Variants in KYNU observed in about 807,000 individuals in gnomAD.
KYNU encodes the protein kynureninase.
In KYNU, 54 loss-of-function variants were observed where a neutral mutation model predicts 59.2. The ratio of observed to expected loss-of-function variants is 0.91; its 90% CI spans 0.73 to 1.14. The LOEUF (loss-of-function observed/expected upper bound fraction) is 1.14, where lower values mean the gene tolerates loss of function less well. Ranked by LOEUF, KYNU falls within the 50% of genes most tolerant of loss-of-function variation. The pLI, the probability that KYNU is intolerant of heterozygous loss-of-function variation, is 0.00. For missense variants in KYNU, 567 were observed against 554.4 expected (o/e 1.02, Z -0.23); for synonymous variants, 177 against 192.0 (o/e 0.92, Z 0.65).
Position 143,044,694 on chromosome 2 carries a change from AATTT to A in KYNU, c.*2528_*2531del, listed in dbSNP as rs774144279. The A allele has an allele frequency of 5.9e-5, 9 of 151,800 alleles. No homozygotes were observed. The highest frequency in any genetic ancestry group is 1.2e-4 in the Non-Finnish European group (8 of 67,942). The allele number at this position is 151,800 out of a possible 1,614,324, so 9.4% of individuals were successfully genotyped here. On this transcript the variant is annotated 3_prime_UTR_variant, in exon 14 of 14. Coordinates refer to ENST00000264170, the MANE Select transcript of KYNU (RefSeq NM_003937.3). Reference sequence around the variant, plus strand: ...TTGATGGGGTTGTGTTTTTCTTGTAAATTTATTTAAGTCCCTTGTAGATTCTGGA... The same window carrying A: ...TTGATGGGGTTGTGTTTTTCTTGTAAATTTAAGTCCCTTGTAGATTCTGGA...
chr2:142,897,769 G>A (rs1295313417), intron 2 of KYNU, among the ~76,000 whole-genome samples: 1 of 151,914 alleles, frequency 6.6e-6, no homozygotes, highest in African/African-American at 2.4e-5. Flanking sequence ...TTTAACCTAC[G>A]ATATCTAAAC....
chr2:142,893,253 C>G lies in KYNU; in HGVS notation c.169+7717C>G, dbSNP rs41349548. Among the ~76,000 whole-genome samples, 1,155 of 152,104 alleles carry G rather than the reference C, an allele frequency of 7.6e-3. 7 individuals carry two copies. The highest frequency in any genetic ancestry group is 0.027 in the African/African-American group (1,107 of 41,504). ...CTAAGTGAGAAGAAGGTGGTAGAAA[C>G]AAAATTCTAGGCATTGACAAAGAAA... On this transcript the variant is annotated intron_variant, in intron 2 of 13. Transcript: ENST00000264170.
intron 4 of KYNU, among the ~76,000 whole-genome samples, chr2:142,935,351 C>T (rs992183888): frequency 3.9e-5 from 6 of 152,152 alleles, no homozygotes; most frequent in African/African-American, 1.4e-4. Context: ...CAAGGAGACA[C>T]ACAATCATGT....
At chr2:142,993,163 A>AT (rs1364250509) in intron 10 of KYNU, among the ~76,000 whole-genome samples, 2 of 152,024 alleles carry the variant, frequency 1.3e-5, no homozygotes, top group Non-Finnish European at 2.9e-5. Flanking sequence ...TGTGAGAGAG[A>AT]TTCATTTCAG....
Position 143,042,230 on chromosome 2 carries a change from G to A in KYNU, c.*58G>A. Reference sequence around the variant, plus strand: ...ACTGAAAGCTGCTGTGGTTATTTCAGTATTATTCGATTTTTAATTATTGAA... The same window carrying A: ...ACTGAAAGCTGCTGTGGTTATTTCAATATTATTCGATTTTTAATTATTGAA... On this transcript the variant is annotated 3_prime_UTR_variant, in exon 14 of 14. Coordinates refer to ENST00000264170, the MANE Select transcript of KYNU (RefSeq NM_003937.3). 6.6e-7 allele frequency: 1 copy of A among 1,524,574 alleles called. No individual in the cohort carries two copies. The highest frequency in any genetic ancestry group is 9.0e-7 in the Non-Finnish European group (1 of 1,110,258). 94.4% of individuals were successfully genotyped at this position (1,524,574 alleles called of 1,614,324 possible).
Position 143,044,673 on chromosome 2 carries a change from TG to T in KYNU, c.*2505del, listed in dbSNP as rs1006740990. 1 of 152,182 alleles carries T rather than the reference TG, an allele frequency of 6.6e-6. No homozygotes were observed. Among genetic ancestry groups the T allele is most frequent in the African/African-American group, 2.4e-5 (1 of 41,442 alleles). The allele number at this position is 152,182 out of a possible 1,614,324, so 9.4% of individuals were successfully genotyped here. ...TTCGTATCCTTCACCCACTTTTTGATGGGGTTGTGTTTTTCTTGTAAATTTA... is the reference window on the plus strand; with the variant it reads ...TTCGTATCCTTCACCCACTTTTTGATGGGTTGTGTTTTTCTTGTAAATTTA... On this transcript the variant is annotated 3_prime_UTR_variant, in exon 14 of 14. Coordinates refer to ENST00000264170, the MANE Select transcript of KYNU (RefSeq NM_003937.3).
chr2:143,039,625 A>G (rs1320490067), intron 12 of KYNU, among the ~76,000 whole-genome samples: 2 of 152,110 alleles, frequency 1.3e-5, no homozygotes, highest in African/African-American at 4.8e-5. Flanking sequence ...TATTTCTGTA[A>G]CTGGTTACAG....
chr2:143,025,201 A>G (rs1366727363), intron 10 of KYNU, among the ~76,000 whole-genome samples: 3 of 151,962 alleles, frequency 2.0e-5, no homozygotes, highest in Non-Finnish European at 4.4e-5. Flanking sequence ...TTCTTTATGT[A>G]TTCATTTTCA....
rs929272962 is a variant in KYNU at position 142,966,860 on chromosome 2, G to A, written c.729+6090G>A. On this transcript the variant is annotated intron_variant, in intron 8 of 13. Transcript: ENST00000264170. Reference sequence around the variant, plus strand: ...TGTCAACATGTTAAGAAAAAAAATTGGACTATCCAGGCTTGTTGGAAAAAG... The same window carrying A: ...TGTCAACATGTTAAGAAAAAAAATTAGACTATCCAGGCTTGTTGGAAAAAG... Among the ~76,000 whole-genome samples, 6 of 151,894 alleles carry A rather than the reference G, an allele frequency of 4.0e-5. No individual in the cohort carries two copies. The South Asian group carries it at 6.2e-4, about 16-fold the overall frequency.
intron 8 of KYNU, among the ~76,000 whole-genome samples, chr2:142,974,104 C>T (rs1684820344): frequency 6.6e-6 from 1 of 152,214 alleles, no homozygotes; most frequent in South Asian, 2.1e-4. Flanking sequence ...CAAAAAGTAT[C>T]TGAGACAAGT....
intron 10 of KYNU, among the ~76,000 whole-genome samples, chr2:143,006,626 G>A (rs1490104897): frequency 6.8e-6 from 1 of 146,560 alleles, no homozygotes; most frequent in Non-Finnish European, 1.5e-5. Context: ...CAAAAAGACA[G>A]CAGTAACCTC....
At chr2:143,015,416 GGC>G (rs1558976411) in intron 10 of KYNU, among the ~76,000 whole-genome samples, 6 of 152,060 alleles carry the variant, frequency 3.9e-5, no homozygotes, top group African/African-American at 7.2e-5. Context: ...AAAATTCTCA[GGC>G]GCCAAGTAGA....
At chr2:142,888,622 T>C (rs1323200716) in intron 2 of KYNU, among the ~76,000 whole-genome samples, 2 of 151,968 alleles carry the variant, frequency 1.3e-5, no homozygotes, top group African/African-American at 4.8e-5. Context: ...AACTCAGAAT[T>C]ACTGAATCAG....
intron 4 of KYNU, among the ~76,000 whole-genome samples, chr2:142,929,359 C>CAAAAAAAAAAAAA (rs5834929): frequency 9.4e-6 from 1 of 106,450 alleles, no homozygotes; most frequent in Non-Finnish European, 2.0e-5. Context: ...TTGCCTTTCT[C>CAAAAAAAAAAAAA]AAAAAAAAAA....
At chr2:142,960,181 C>T (rs543175081) in intron 7 of KYNU, among the ~76,000 whole-genome samples, 14 of 152,326 alleles carry the variant, frequency 9.2e-5, no homozygotes, top group East Asian at 7.7e-4. Context: ...GCCACACACC[C>T]GGCATGTTTT....
chr2:143,029,596 C>A (rs767383235), intron 10 of KYNU, 31 bp from the exon 11 acceptor site: 29 of 1,543,350 alleles, frequency 1.9e-5, no homozygotes, highest in Non-Finnish European at 2.6e-5. Flanking sequence ...AAAAAACCCC[C>A]AAAAACCTAA....
chr2:142,985,845 G>T (rs1685181351), intron 9 of KYNU, 103 bp from the exon 10 acceptor site: 1 of 761,790 alleles, frequency 1.3e-6, no homozygotes, highest in South Asian at 1.5e-5. Flanking sequence ...ATTTTGAACT[G>T]ATCAAATGTT....
chr2:143,043,272 T>C lies in KYNU; in HGVS notation c.*1100T>C, dbSNP rs1687105392. The stretch of plus-strand genomic sequence containing the variant: ...TCTTGACATCTTTATCTCAAATCTA[T>C]GGACCTTTCTTACCCACTGTGAAAA... On this transcript the variant is annotated 3_prime_UTR_variant, in exon 14 of 14. Transcript: ENST00000264170. 1 of 152,044 alleles carries C rather than the reference T, an allele frequency of 6.6e-6. No homozygotes were observed. The highest frequency in any genetic ancestry group is 1.5e-5 in the Non-Finnish European group (1 of 67,970). The allele number at this position is 152,044 out of a possible 1,614,324, so 9.4% of individuals were successfully genotyped here.
chr2:142,882,978 C>T (rs566618440), intron 1 of KYNU, among the ~76,000 whole-genome samples: 151 of 152,242 alleles, frequency 9.9e-4, no homozygotes, highest in Non-Finnish European at 1.4e-3. Flanking sequence ...TCTCCACATC[C>T]TCTCCAGCAC....
Sources: gnomAD v4.1 joint callset for allele counts (sites outside exome capture counted in the v4.1 genomes callset) on GRCh38, gnomAD v4.1.1 for gene constraint, MANE v1.5 for transcripts, NCBI Gene and HGNC (gene_info 2026-07-23, HGNC 2026-07-21) for gene names.